Variants in RAB28 observed in about 807,000 individuals in gnomAD.
RAB28 encodes the protein ras-related protein Rab-28.
RAB28 carries 24 observed loss-of-function variants against 31.7 expected under a neutral mutation model. The observed-to-expected ratio is 0.76, with a 90% CI of 0.55 to 1.06. The LOEUF (loss-of-function observed/expected upper bound fraction) is 1.06, where lower values mean the gene tolerates loss of function less well. RAB28 is among the 50% of genes least tolerant of loss of function. The pLI, the probability that RAB28 is intolerant of heterozygous loss-of-function variation, is 0.00. For missense variants in RAB28, 254 were observed against 258.5 expected, an observed-to-expected ratio of 0.98 and a Z score of 0.12; for synonymous variants, 100 against 90.4, an observed-to-expected ratio of 1.11 and a Z score of -0.60.
At chr4:13,460,608 C>G in intron 4 of RAB28, 91 bp downstream of exon 4, 1 of 1,502,348 alleles carries the variant, frequency 6.7e-7, no homozygotes, top group Non-Finnish European at 9.2e-7. Context: ...AGGTCTTTGA[C>G]ATATAAATTG....
chr4:13,475,425 A>G lies in RAB28; in HGVS notation c.173-1019T>C, dbSNP rs970414082. 3.3e-5 allele frequency among the ~76,000 whole-genome samples: 5 copies of G among 151,064 alleles called. No individual in the cohort carries two copies. The East Asian group carries it at 9.6e-4, about 29-fold the overall frequency. Reference sequence around the variant, plus strand: ...ATAAAAGATTAGAAACTGAAAAATGATCTCATTTCAAAAAAAGATTATAAA... The same window carrying G: ...ATAAAAGATTAGAAACTGAAAAATGGTCTCATTTCAAAAAAAGATTATAAA... On this transcript the variant is annotated intron_variant, in intron 2 of 6. Coordinates refer to ENST00000330852, the MANE Select transcript of RAB28 (RefSeq NM_001017979.3).
intron 4 of RAB28, among the ~76,000 whole-genome samples, chr4:13,448,758 G>A (rs1714823115): frequency 6.6e-6 from 1 of 152,030 alleles, no homozygotes; most frequent in African/African-American, 2.4e-5. Context: ...ATACAATAAG[G>A]AGTGTGAAGT....
chr4:13,411,124 C>T (rs1045618368), intron 4 of RAB28, among the ~76,000 whole-genome samples: 12 of 152,006 alleles, frequency 7.9e-5, no homozygotes, highest in African/African-American at 2.7e-4. Context: ...AGAATCAAGA[C>T]TACTATCAGA....
chr4:13,369,482 CA>C (rs1728634901), intron 6 of RAB28, among the ~76,000 whole-genome samples: 1 of 151,978 alleles, frequency 6.6e-6, no homozygotes, highest in African/African-American at 2.4e-5. Flanking sequence ...TCTGCACACA[CA>C]AGCAGACAAA....
intron 4 of RAB28, among the ~76,000 whole-genome samples, chr4:13,405,454 GGATA>G (rs1414923129): frequency 3.3e-5 from 5 of 152,042 alleles, no homozygotes; most frequent in Non-Finnish European, 7.4e-5. Context: ...ACAGTTCTTT[GGATA>G]GATAACTGTT....
At chr4:13,476,873 GA>G (rs1287538041) in intron 2 of RAB28, among the ~76,000 whole-genome samples, 1 of 151,474 alleles carries the variant, frequency 6.6e-6, no homozygotes, top group Non-Finnish European at 1.5e-5. Context: ...GTAACTAGGA[GA>G]AAAAATAAAA....
chr4:13,443,246 T>C (rs1199494223), intron 4 of RAB28, among the ~76,000 whole-genome samples: 2 of 152,140 alleles, frequency 1.3e-5, no homozygotes, highest in Non-Finnish European at 2.9e-5. Flanking sequence ...CGATCTCGGC[T>C]CACTGCAACC....
intron 4 of RAB28, among the ~76,000 whole-genome samples, chr4:13,406,737 T>C (rs554186001): frequency 2.1e-4 from 32 of 152,362 alleles, no homozygotes; most frequent in African/African-American, 7.7e-4. Flanking sequence ...TTGATATGCA[T>C]TTCTCTAATG....
intron 6 of RAB28, 46 bp downstream of exon 6, chr4:13,376,499 G>C: frequency 7.2e-7 from 1 of 1,397,416 alleles, no homozygotes; most frequent in Non-Finnish European, 9.9e-7. Flanking sequence ...TTAATGCCTT[G>C]TAAGAAATTC....
intron 4 of RAB28, among the ~76,000 whole-genome samples, chr4:13,400,112 A>C (rs950446618): frequency 1.3e-5 from 2 of 152,094 alleles, no homozygotes; most frequent in African/African-American, 4.8e-5. Flanking sequence ...CTTATTAAGC[A>C]TTCTCTTCTT....
intron 4 of RAB28, among the ~76,000 whole-genome samples, chr4:13,412,495 C>T (rs1398094060): frequency 6.6e-6 from 1 of 152,050 alleles, no homozygotes; most frequent in Non-Finnish European, 1.5e-5. Flanking sequence ...TAACCTAGAA[C>T]ATGGCCTTGA....
intron 4 of RAB28, among the ~76,000 whole-genome samples, chr4:13,423,116 A>T (rs944049136): frequency 1.3e-5 from 2 of 152,198 alleles, no homozygotes; most frequent in African/African-American, 4.8e-5. Flanking sequence ...GGATACATAT[A>T]TGAAAAAGCA....
chr4:13,385,096 A>G (rs567427016), intron 4 of RAB28, among the ~76,000 whole-genome samples: 37 of 152,350 alleles, frequency 2.4e-4, no homozygotes, highest in Admixed American at 2.4e-3. Flanking sequence ...CAACCTTAGG[A>G]AAGAATCCCA....
At chr4:13,428,842 C>A (rs11731895) in intron 4 of RAB28, among the ~76,000 whole-genome samples, 6 of 150,858 alleles carry the variant, frequency 4.0e-5, no homozygotes, top group African/African-American at 1.5e-4. Context: ...TTTACACCTA[C>A]ATATATCATA....
intron 4 of RAB28, among the ~76,000 whole-genome samples, chr4:13,442,411 C>T (rs1714470566): frequency 6.7e-6 from 1 of 150,156 alleles, no homozygotes; most frequent in Non-Finnish European, 1.5e-5. Context: ...ATGGCAATAG[C>T]ACAAGAGCTT....
intron 4 of RAB28, among the ~76,000 whole-genome samples, chr4:13,458,056 C>T (rs1157695146): frequency 6.6e-6 from 1 of 152,100 alleles, no homozygotes; most frequent in African/African-American, 2.4e-5. Flanking sequence ...CTCATCAAAA[C>T]ATGATTTGTC....
intron 3 of RAB28, among the ~76,000 whole-genome samples, chr4:13,468,796 A>AG (rs1715987390): frequency 6.6e-6 from 1 of 151,780 alleles, no homozygotes; most frequent in African/African-American, 2.4e-5. Context: ...TAAAAAAAAA[A>AG]GATCAATAAA....
chr4:13,432,940 T>C (rs1342451239), intron 4 of RAB28, among the ~76,000 whole-genome samples: 2 of 149,944 alleles, frequency 1.3e-5, no homozygotes, highest in Non-Finnish European at 3.0e-5. Context: ...TGAACGTAAA[T>C]GGCCTAAACT....
At chr4:13,402,446 G>A (rs1342726117) in intron 4 of RAB28, among the ~76,000 whole-genome samples, 1 of 152,148 alleles carries the variant, frequency 6.6e-6, no homozygotes, top group Non-Finnish European at 1.5e-5. Flanking sequence ...TATACATTTA[G>A]AATTGTTATA....
Sources: allele counts gnomAD v4.1 joint callset (sites outside exome capture counted in the v4.1 genomes callset), GRCh38; gene constraint gnomAD v4.1.1; transcripts MANE v1.5; gene names NCBI Gene and HGNC (gene_info 2026-07-23, HGNC 2026-07-21).